The following SLC71A1 variants were observed in gnomAD, a reference collection of about 807,000 sequenced individuals.
SLC71A1 encodes solute carrier family 71 member 1.
chr1:100,060,418 A>G, the SLC71A1 span, among the ~76,000 whole-genome samples: 2 of 152,174 alleles, frequency 1.3e-5, no homozygotes, highest in African/African-American at 2.4e-5. Flanking sequence ...TTAAAAATCA[A>G]ATTTCTCTTT....
At chr1:100,063,263 C>CAA in the SLC71A1 span, among the ~76,000 whole-genome samples, 1 of 138,100 alleles carries the variant, frequency 7.2e-6, no homozygotes, top group Non-Finnish European at 1.6e-5. Context: ...CATGTTCTGG[C>CAA]AAAAAACAAA....
the SLC71A1 span, among the ~76,000 whole-genome samples, chr1:100,062,564 A>C: frequency 6.6e-6 from 1 of 152,210 alleles, no homozygotes; most frequent in East Asian, 1.9e-4. Flanking sequence ...AATGACTACT[A>C]TAGGCACAAT....
At chr1:100,065,533 T>C in the SLC71A1 span, among the ~76,000 whole-genome samples, 2 of 144,204 alleles carry the variant, frequency 1.4e-5, no homozygotes, top group South Asian at 4.9e-4. Context: ...CTTTCCCCTT[T>C]CCTTTTCGCT....
the SLC71A1 span, among the ~76,000 whole-genome samples, chr1:100,075,763 C>T: frequency 2.0e-5 from 3 of 152,256 alleles, no homozygotes; most frequent in South Asian, 2.1e-4. Context: ...ACTGCAGCCT[C>T]GACCTCCTGG....
chr1:100,065,771 C>T, the SLC71A1 span, among the ~76,000 whole-genome samples: 1 of 150,080 alleles, frequency 6.7e-6, no homozygotes, highest in East Asian at 2.0e-4. Flanking sequence ...TTTCCTTTCT[C>T]CTCCTCTCCT....
At chr1:100,068,512 A>C in the SLC71A1 span, 1 of 1,614,050 alleles carries the variant, frequency 6.2e-7, no homozygotes, top group Non-Finnish European at 8.5e-7. Flanking sequence ...AGTGCTGCTG[A>C]TCTGCATTAC....
the SLC71A1 span, among the ~76,000 whole-genome samples, chr1:100,066,505 T>G: frequency 6.6e-6 from 1 of 150,884 alleles, no homozygotes; most frequent in South Asian, 2.1e-4. Flanking sequence ...CATTATGCAG[T>G]TTTTTTTTCT....
the SLC71A1 span, among the ~76,000 whole-genome samples, chr1:100,069,280 C>T: frequency 6.6e-6 from 1 of 152,216 alleles, no homozygotes; most frequent in Non-Finnish European, 1.5e-5. Flanking sequence ...GTATTTTCCT[C>T]CTTGACACTA....
chr1:100,072,930 G>A, the SLC71A1 span, among the ~76,000 whole-genome samples: 1 of 152,000 alleles, frequency 6.6e-6, no homozygotes, highest in African/African-American at 2.4e-5. Context: ...TACTCTTCCA[G>A]TCCAGTCCCT....
chr1:100,068,319 A>C, the SLC71A1 span: 1 of 957,904 alleles, frequency 1.0e-6, no homozygotes, highest in South Asian at 1.7e-5. Context: ...ATTTTGAAAT[A>C]CTTTTCAGAA....
chr1:100,042,376 AT>A, the SLC71A1 span, among the ~76,000 whole-genome samples: 5 of 150,516 alleles, frequency 3.3e-5, 1 homozygote, highest in South Asian at 6.3e-4. Flanking sequence ...AGAGCACCAG[AT>A]TTTTTTTTTC....
the SLC71A1 span, chr1:100,080,513 A>G: frequency 7.4e-6 from 12 of 1,613,584 alleles, no homozygotes; most frequent in African/African-American, 2.7e-5. Context: ...TCAAGGAATG[A>G]TAACAGGAAT....
chr1:100,052,833 G>A, the SLC71A1 span, among the ~76,000 whole-genome samples: 2 of 151,110 alleles, frequency 1.3e-5, no homozygotes, highest in South Asian at 2.1e-4. Flanking sequence ...GCCCAGGCTG[G>A]AGTGCAGTGG....
At chr1:100,061,810 A>G in the SLC71A1 span, 2 of 1,394,722 alleles carry the variant, frequency 1.4e-6, no homozygotes, top group East Asian at 2.3e-5. Flanking sequence ...TGCTCTAACC[A>G]TTTCTTGTTA....
At chr1:100,047,822 T>TAAAA in the SLC71A1 span, among the ~76,000 whole-genome samples, 1 of 152,148 alleles carries the variant, frequency 6.6e-6, no homozygotes, top group Non-Finnish European at 1.5e-5. Flanking sequence ...GTCCCATAGT[T>TAAAA]TATTTTGTTT....
At chr1:100,080,705 G>C in the SLC71A1 span, 21 of 1,521,884 alleles carry the variant, frequency 1.4e-5, no homozygotes, top group Non-Finnish European at 1.8e-5. Flanking sequence ...CATTTGGCTA[G>C]ATTAAAGGCT....
the SLC71A1 span, among the ~76,000 whole-genome samples, chr1:100,080,945 A>G: frequency 2.8e-4 from 43 of 152,342 alleles, no homozygotes; most frequent in Admixed American, 2.4e-3. Context: ...AACTTTTCTA[A>G]TATCACAGTT....
the SLC71A1 span, among the ~76,000 whole-genome samples, chr1:100,049,250 C>T: frequency 1.3e-5 from 2 of 150,712 alleles, no homozygotes; most frequent in Non-Finnish European, 2.9e-5. Flanking sequence ...TACATACTTT[C>T]GCTGGGGATT....
chr1:100,071,289 C>CA, the SLC71A1 span, among the ~76,000 whole-genome samples: 600 of 53,370 alleles, frequency 0.011, 10 homozygotes, highest in Middle Eastern at 0.016. Flanking sequence ...CCATCTCTAC[C>CA]AAAAAAAAAA....
Sources: gnomAD v4.1 joint callset for allele counts (sites outside exome capture counted in the v4.1 genomes callset) on GRCh38, gnomAD v4.1.1 for gene constraint, MANE v1.5 for transcripts, NCBI Gene and HGNC (gene_info 2026-07-23, HGNC 2026-07-21) for gene names.